The following CROCC2 variants were observed in gnomAD, a reference collection of about 807,000 sequenced individuals.
The protein encoded by CROCC2 is ciliary rootlet coiled-coil protein 2.
CROCC2 carries 163 observed loss-of-function variants against 177.6 expected under a neutral mutation model. That is an observed-to-expected ratio of 0.92 (90% CI 0.81 to 1.05). CROCC2 has a LOEUF of 1.05. Ranked by LOEUF, CROCC2 falls within the 50% of genes least tolerant of loss-of-function variation. The pLI is 0.00. For missense variants in CROCC2, 1,929 were observed against 1,797.8 expected, an observed-to-expected ratio of 1.07 and a Z score of -1.32; for synonymous variants, 904 against 787.3, an observed-to-expected ratio of 1.15 and a Z score of -2.48.
At position 240,918,787 on chromosome 2, in the gene CROCC2, G is replaced by T; in HGVS notation, c.140G>T (p.Arg47Leu). 2 of 597,422 alleles carry T rather than the reference G, an allele frequency of 3.3e-6. No homozygotes were observed. Among genetic ancestry groups the T allele is most frequent in the South Asian group, 4.0e-5 (2 of 49,810 alleles). 37.0% of individuals were successfully genotyped at this position (597,422 alleles called of 1,614,324 possible). The change falls in exon 2 of 32, where the codon CGT (arginine) becomes CTT (leucine). Residue 47 changes from arginine (R) to leucine (L), a missense_variant. Physicochemically the swap from Arg to Leu is moderately radical, Grantham distance 102 (BLOSUM62 -2). This residue lies in a region of CROCC2 where 1,397 missense variants were observed against 1,239.9 expected (regional missense o/e 1.13). Coordinates refer to ENST00000690015, the MANE Select transcript of CROCC2 (RefSeq NM_001351305.2). The surrounding 1 kb of genome is among the most constrained non-coding windows in gnomAD (Gnocchi z 6.3). ...ASREDRALTV[R>L]GEGRQASPTP... Reference sequence around the variant, plus strand: ...AGGGAAGACCGGGCGCTGACCGTGCGTGGGGAAGGCCGGCAGGCCTCGCCC... The same window carrying T: ...AGGGAAGACCGGGCGCTGACCGTGCTTGGGGAAGGCCGGCAGGCCTCGCCC...
At chr2:240,964,333 G>A (rs2059662443) in intron 21 of CROCC2, 133 bp from the exon 22 acceptor site, 15 of 1,107,796 alleles carry the variant, frequency 1.4e-5, no homozygotes, top group Middle Eastern at 2.9e-4. Flanking sequence ...ACCCTGCAGA[G>A]GCTGAGTTTG....
rs376701515 is a variant in CROCC2 at position 240,982,926 on chromosome 2, A to G, written c.4448A>G (p.His1483Arg). 4 of 1,550,284 alleles carry G rather than the reference A, an allele frequency of 2.6e-6. No individual in the cohort carries two copies. In the African/African-American group the frequency reaches 5.5e-5, roughly 21 times the overall value. Residue 1483 changes from histidine (H) to arginine (R), a missense_variant, in exon 28 of 32, where the codon CAC becomes CGC. Physicochemically the swap from His to Arg is conservative, Grantham distance 29 (BLOSUM62 0). Coordinates refer to ENST00000690015, the MANE Select transcript of CROCC2 (RefSeq NM_001351305.2). The surrounding 1 kb of genome is among the most constrained non-coding windows in gnomAD (Gnocchi z 4.7). ...LRQALEESRRHSQGLAKQGKL... is the reference protein window; with the variant it reads ...LRQALEESRRRSQGLAKQGKL... Reference sequence around the variant, plus strand: ...CAGGCTCTTGAAGAGAGCAGGAGGCACAGCCAAGGTCTGGCCAAGCAGGGG... The same window carrying G: ...CAGGCTCTTGAAGAGAGCAGGAGGCGCAGCCAAGGTCTGGCCAAGCAGGGG...
At chr2:240,923,114 G>C (rs928662861) in intron 4 of CROCC2, among the ~76,000 whole-genome samples, 1 of 152,064 alleles carries the variant, frequency 6.6e-6, no homozygotes, top group Admixed American at 6.5e-5. Context: ...CATGGGGGAC[G>C]GGACTGGTGC....
In CROCC2 at chr2:240,930,938, G is replaced by A. The variant is rs755243669; in HGVS notation, c.757G>A (p.Ala253Thr). The A allele has an allele frequency of 6.6e-5, 47 of 710,810 alleles. No individual in the cohort carries two copies. The highest frequency in any genetic ancestry group is 1.0e-4 in the Non-Finnish European group (39 of 381,934). The allele number at this position is 710,810 out of a possible 1,614,324, so 44.0% of individuals were successfully genotyped here. The change falls in exon 7 of 32, where the codon GCT becomes ACT. Residue 253 changes from alanine (A) to threonine (T), a missense_variant. This residue lies in a region of CROCC2 where 1,397 missense variants were observed against 1,239.9 expected (regional missense o/e 1.13). Transcript: ENST00000690015. ...GCTGCCCTTGTCTCCCAGGGGCCTC[G>A]CTGACCTGCAGGCAGACACGGCCAG... ...ELRVATERGL[A>T]DLQADTARTA...
intron 1 of CROCC2, among the ~76,000 whole-genome samples, chr2:240,909,369 A>AGGTGACCTCTACCTCCTCCACCTCG (rs2059273255): frequency 7.6e-6 from 1 of 132,426 alleles, no homozygotes; most frequent in Non-Finnish European, 1.6e-5. Flanking sequence ...CCTCCACCTC[A>AGGTGACCTCTACCTCCTCCACCTCG]GGTGACCTCT....
At chr2:240,959,244 C>T in intron 19 of CROCC2, 57 bp from the exon 20 acceptor site, 1 of 1,533,280 alleles carries the variant, frequency 6.5e-7, no homozygotes, top group Non-Finnish European at 8.8e-7. Context: ...CCTTACCTCA[C>T]CCTCCACTGC....
intron 26 of CROCC2, 135 bp downstream of exon 26, chr2:240,967,600 C>T: frequency 6.7e-7 from 1 of 1,481,748 alleles, no homozygotes; most frequent in Non-Finnish European, 9.0e-7. Flanking sequence ...GGGCAACACC[C>T]AAACCACCAG....
chr2:240,948,143 A>T (rs952057552), intron 15 of CROCC2, among the ~76,000 whole-genome samples: 1 of 151,950 alleles, frequency 6.6e-6, no homozygotes, highest in East Asian at 1.9e-4. Context: ...GAGTGTTGGG[A>T]TGGGGGCCAT....
At chr2:240,937,584 T>A (rs1466428392) in intron 14 of CROCC2, among the ~76,000 whole-genome samples, 1 of 152,224 alleles carries the variant, frequency 6.6e-6, no homozygotes, top group Non-Finnish European at 1.5e-5. Flanking sequence ...CTAGGTTCTG[T>A]CTGAAAAATT....
intron 20 of CROCC2, 189 bp from the exon 21 acceptor site, chr2:240,963,367 C>T (rs2059655773): frequency 5.0e-6 from 3 of 605,142 alleles, no homozygotes; most frequent in South Asian, 2.7e-5. Flanking sequence ...TGCCTCAGCC[C>T]GTGGAAGCCG....
chr2:240,988,921 G>T, intron 29 of CROCC2, 51 bp downstream of exon 29: 1 of 1,350,646 alleles, frequency 7.4e-7, no homozygotes, highest in South Asian at 2.0e-5. Context: ...GGGCAGACCT[G>T]GGGTGGGATC....
chr2:240,931,168 C>G lies in CROCC2; in HGVS notation c.947+40C>G, dbSNP rs568262475. ...CCAGCAAGCTTGCACAGGGAGGGCC[C>G]GGGGGGTCGGGGCCCATCCAGCGTG... is the stretch of plus-strand genomic sequence containing the variant. On this transcript the variant is annotated intron_variant, in intron 7 of 31. Transcript: ENST00000690015. 43 of 677,880 alleles carry G rather than the reference C, an allele frequency of 6.3e-5. No individual in the cohort carries two copies. The African/African-American group carries it at 7.3e-4, about 12-fold the overall frequency. The allele number at this position is 677,880 out of a possible 1,614,324, so 42.0% of individuals were successfully genotyped here. A position where few individuals can be genotyped will look rare whatever the true frequency, so the allele number is the denominator to read the frequency against.
rs1342751179 is a variant in CROCC2, at chr2:240,968,181, G to A, written c.4320G>A (p.Leu1440=). The change falls in exon 27 of 32, where the codon CTG becomes CTA. Residue 1440 remains leucine (L), a synonymous_variant. Transcript: ENST00000690015. ...ALSSARAARA[L]QKEALRRLEL... ...GCAGCGCCCGGGCAGCACGTGCCCT[G>A]CAGAAGGAGGCGCTCCGCAGGCTGG... is the stretch of plus-strand genomic sequence containing the variant. 4 of 1,531,968 alleles carry A rather than the reference G, an allele frequency of 2.6e-6. No individual in the cohort carries two copies. Among genetic ancestry groups the A allele is most frequent in the Non-Finnish European group, 3.5e-6 (4 of 1,144,392 alleles). The allele number at this position is 1,531,968 out of a possible 1,614,324, so 94.9% of individuals were successfully genotyped here. A position where few individuals can be genotyped will look rare whatever the true frequency, so the allele number is the denominator to read the frequency against.
chr2:240,963,558 T>C lies in CROCC2; in HGVS notation c.3090T>C (p.Ala1030=), dbSNP rs2059656863. The part of the protein sequence containing the change: ...AAERGDVERE[A]ERLRAQLTVA... ...TAGAGCTGAATGGTCCTCCCCAGGC[T>C]GAGAGGCTGCGGGCACAGCTGACCG... is the stretch of plus-strand genomic sequence containing the variant. The change falls in exon 21 of 32, where the codon GCT becomes GCC. Residue 1030 remains alanine (A), a splice_region_variant and synonymous_variant. Transcript: ENST00000690015. 2.6e-6 allele frequency: 4 copies of C among 1,540,908 alleles called. No individual in the cohort carries two copies. In the East Asian group the frequency reaches 9.8e-5, roughly 38 times the overall value.
chr2:240,934,394 C>G lies in CROCC2; in HGVS notation c.1710C>G (p.Val570=). The change falls in exon 12 of 32, where the codon GTC becomes GTG. Residue 570 remains valine, a synonymous_variant. Transcript: ENST00000690015. ...GGCTCAGAGAGGAGCTGGCATCGGT[C>G]CGGGAGGCACTGAGCACAGCACAGC... ...VSGLREELAS[V]REALSTAQLQ... is the part of the protein sequence containing the mutation. 1.5e-5 allele frequency: 23 copies of G among 1,548,772 alleles called. No individual in the cohort carries two copies. The highest frequency in any genetic ancestry group is 1.9e-5 in the Non-Finnish European group (22 of 1,146,926).
chr2:240,948,934 A>G (rs1006383232), intron 15 of CROCC2, 45 bp from the exon 16 acceptor site: 1 of 1,534,724 alleles, frequency 6.5e-7, no homozygotes, highest in East Asian at 2.5e-5. Flanking sequence ...TTTTACACGC[A>G]GGATCTTGGG....
rs1239925464 is a variant in CROCC2 at position 240,934,375 on chromosome 2, G to C, written c.1691G>C (p.Arg564Thr). The C allele has an allele frequency of 6.5e-7, 1 of 1,548,822 alleles. No homozygotes were observed. The highest frequency in any genetic ancestry group is 8.7e-7 in the Non-Finnish European group (1 of 1,146,932). Residue 564 changes from arginine to threonine, a missense_variant, in exon 12 of 32, where the codon AGA becomes ACA. Physicochemically the swap from Arg to Thr is moderately conservative, Grantham distance 71 (BLOSUM62 -1). This residue lies in a region of CROCC2 where 1,397 missense variants were observed against 1,239.9 expected (regional missense o/e 1.13). Coordinates refer to ENST00000690015, the MANE Select transcript of CROCC2 (RefSeq NM_001351305.2). ...CTGGAGGAGAAGGTCTCCGGGCTCA[G>C]AGAGGAGCTGGCATCGGTCCGGGAG... The part of the protein sequence containing the change: ...QQLEEKVSGL[R>T]EELASVREAL...
At chr2:240,951,687 C>T (rs2059557847) in intron 18 of CROCC2, among the ~76,000 whole-genome samples, 1 of 152,216 alleles carries the variant, frequency 6.6e-6, no homozygotes, top group Non-Finnish European at 1.5e-5. Context: ...GACCATCCAT[C>T]CATCCATCCA....
Position 240,960,036 on chromosome 2 carries a change from G to A in CROCC2, c.3087+592G>A, listed in dbSNP as rs577908884. ...AGTCCAGCCGGCCCCCTCGTTCCAC[G>A]CACAGTTAAGAAAGTGGAGTCAGGA... On this transcript the variant is annotated intron_variant, in intron 20 of 31. Coordinates refer to ENST00000690015, the MANE Select transcript of CROCC2 (RefSeq NM_001351305.2). The surrounding 1 kb of genome is among the most constrained non-coding windows in gnomAD (Gnocchi z 5.0). Among the ~76,000 whole-genome samples, 3 of 152,368 alleles carry A rather than the reference G, an allele frequency of 2.0e-5. No individual in the cohort carries two copies. The highest frequency in any genetic ancestry group is 1.9e-4 in the East Asian group (1 of 5,178).
Sources: allele counts gnomAD v4.1 joint callset (sites outside exome capture counted in the v4.1 genomes callset), GRCh38; gene constraint gnomAD v4.1.1; regional missense constraint gnomAD v4.1.1; non-coding constraint Gnocchi (gnomAD v3.1); transcripts MANE v1.5; gene names NCBI Gene and HGNC (gene_info 2026-07-23, HGNC 2026-07-21).